RECQL5: variants seen among roughly 807,000 people sequenced by gnomAD.
RECQL5 encodes the protein RecQ like helicase 5.
RECQL5 carries 88 observed loss-of-function variants against 103.4 expected under a neutral mutation model. That is an observed-to-expected ratio of 0.85 (90% CI 0.72 to 1.02). The LOEUF (loss-of-function observed/expected upper bound fraction) is 1.02, where lower values mean the gene tolerates loss of function less well. Among genes scored for constraint, RECQL5 ranks in the 50% least tolerant of loss-of-function variants. The pLI, the probability that RECQL5 is intolerant of heterozygous loss-of-function variation, is 0.00. For synonymous variants in RECQL5, 552 were observed against 507.9 expected (o/e 1.09, Z -1.17); for missense variants, 1,232 against 1,284.3 (o/e 0.96, Z 0.62).
At chr17:75,655,676 A>C (rs900611909) in intron 7 of RECQL5, among the ~76,000 whole-genome samples, 2 of 140,378 alleles carry the variant, frequency 1.4e-5, no homozygotes, top group Admixed American at 7.2e-5. Flanking sequence ...TTTAATTTTT[A>C]TTTTTATTTT....
rs1555706009 is a variant in RECQL5, at chr17:75,630,841, T to TC, written c.1586-5_1586-4insG. On this transcript the variant is annotated splice_region_variant and splice_polypyrimidine_tract_variant and intron_variant, in intron 11 of 19. Coordinates refer to ENST00000317905, the MANE Select transcript of RECQL5 (RefSeq NM_004259.7). ...TCTTTCAGGGGACAGTTCTCATCTG[T>TC]GGGGGGGGGGGGTGGTCCTTGGTCC... The TC allele has an allele frequency of 7.0e-6, 8 of 1,135,114 alleles. No homozygotes were observed. Among genetic ancestry groups the TC allele is most frequent in the Middle Eastern group, 2.4e-4 (1 of 4,250 alleles). The allele number at this position is 1,135,114 out of a possible 1,614,324, so 70.3% of individuals were successfully genotyped here. A position where few individuals can be genotyped will look rare whatever the true frequency, so the allele number is the denominator to read the frequency against.
rs781452311 is a variant in RECQL5 at position 75,631,463 on chromosome 17, C to T, written c.1435G>A (p.Gly479Arg). The T allele has an allele frequency of 3.6e-5, 58 of 1,611,438 alleles. No individual in the cohort carries two copies. The highest frequency in any genetic ancestry group is 9.3e-5 in the African/African-American group (7 of 74,916). Residue 479 changes from glycine (G) to arginine (R), a missense_variant, in exon 9 of 20, where the codon GGG (glycine) becomes AGG (arginine). Physicochemically the swap from Gly to Arg is moderately radical, Grantham distance 125. Coordinates refer to ENST00000317905, the MANE Select transcript of RECQL5 (RefSeq NM_004259.7). ...ELYEGGRKGY[G>R]DFSRYDEGSG... is the part of the protein sequence containing the mutation. ...TCGGCCCCTTACCTGCTGAAGTCCC[C>T]GTAGCCCTTGCGGCCTCCCTCATAC...
chr17:75,652,646 G>C (rs2059569709), intron 7 of RECQL5: 1 of 152,440 alleles, frequency 6.6e-6, no homozygotes, highest in South Asian at 2.1e-4. Context: ...CTTTGGCTAT[G>C]GACTAATATC....
rs189266763 is a variant in RECQL5, at chr17:75,640,505, T to C, written c.1230-8837A>G. On this transcript the variant is annotated intron_variant, in intron 8 of 19. Coordinates refer to ENST00000317905, the MANE Select transcript of RECQL5 (RefSeq NM_004259.7). This position sits in a 1 kb window ranked among gnomAD's most constrained non-coding sequence, Gnocchi z 4.6. ...CTCATCCTCTGATATGCTGCTTGGGTGATGGGCGGTGCTGGGGACTGGGCC... is the reference window on the plus strand; with the variant it reads ...CTCATCCTCTGATATGCTGCTTGGGCGATGGGCGGTGCTGGGGACTGGGCC... Among the ~76,000 whole-genome samples, 44 of 152,050 alleles carry C rather than the reference T, an allele frequency of 2.9e-4. No individual in the cohort carries two copies. The East Asian group carries it at 8.2e-3, about 28-fold the overall frequency.
chr17:75,632,841 G>A (rs1323684447), intron 8 of RECQL5, among the ~76,000 whole-genome samples: 1 of 152,218 alleles, frequency 6.6e-6, no homozygotes. Flanking sequence ...ACACAGGCAG[G>A]GCTGTCTGGG....
At chr17:75,656,656 C>T (rs892332319) in intron 7 of RECQL5, among the ~76,000 whole-genome samples, 3 of 151,782 alleles carry the variant, frequency 2.0e-5, no homozygotes, top group Non-Finnish European at 4.4e-5. Context: ...TGTTTCTAGG[C>T]ACAATGTGTT....
chr17:75,634,426 G>A (rs1051415208), intron 8 of RECQL5, among the ~76,000 whole-genome samples: 2 of 152,220 alleles, frequency 1.3e-5, no homozygotes, highest in East Asian at 3.8e-4. Context: ...TGCTCAGAGC[G>A]CCTCCTGCTC....
At position 75,631,513 on chromosome 17, in the gene RECQL5, T is replaced by C. The variant is rs1175237184; in HGVS notation, c.1385A>G (p.Gln462Arg). Residue 462 changes from glutamine (Q) to arginine (R), a missense_variant, in exon 9 of 20, where the codon CAG becomes CGG. Physicochemically the swap from Gln to Arg is conservative, Grantham distance 43. Transcript: ENST00000317905. Reference sequence around the variant, plus strand: ...CAGCTCGGGGTCAAAGCCGTTCCCCTGGGAGGGCCCGATGCAGGTCTTGCT... The same window carrying C: ...CAGCTCGGGGTCAAAGCCGTTCCCCCGGGAGGGCCCGATGCAGGTCTTGCT... ...SWSKTCIGPS[Q>R]GNGFDPELYE... is the part of the protein sequence containing the mutation. The C allele has an allele frequency of 2.5e-6, 4 of 1,613,170 alleles. No homozygotes were observed. In the African/African-American group the frequency reaches 5.3e-5, roughly 22 times the overall value.
In RECQL5 at chr17:75,631,485, A is replaced by G. The variant is rs820197; in HGVS notation, c.1413T>C (p.Tyr471=). 1,610,188 of 1,613,274 alleles carry G rather than the reference A, an allele frequency of 1. 803,615 individuals carry two copies. The highest frequency in any genetic ancestry group is 1 in the East Asian group (44,878 of 44,878). The part of the protein sequence containing the change: ...SQGNGFDPEL[Y]EGGRKGYGDF... ...CCCCGTAGCCCTTGCGGCCTCCCTC[A>G]TACAGCTCGGGGTCAAAGCCGTTCC... Residue 471 remains tyrosine (Y), a synonymous_variant, in exon 9 of 20, where the codon TAT becomes TAC. Transcript: ENST00000317905.
chr17:75,629,655 G>C (rs2059169530), intron 15 of RECQL5, 53 bp downstream of exon 15: 1 of 1,558,942 alleles, frequency 6.4e-7, no homozygotes, highest in Non-Finnish European at 8.7e-7. Context: ...GGGCAGAGGG[G>C]AAGTGAAGCC....
At chr17:75,648,155 C>T (rs1402709486) in intron 8 of RECQL5, among the ~76,000 whole-genome samples, 1 of 152,080 alleles carries the variant, frequency 6.6e-6, no homozygotes, top group Non-Finnish European at 1.5e-5. Flanking sequence ...GTGTTCTCTC[C>T]CACCACAGGG....
chr17:75,632,089 A>G (rs1227178674), intron 8 of RECQL5, among the ~76,000 whole-genome samples: 3 of 152,248 alleles, frequency 2.0e-5, no homozygotes, highest in African/African-American at 7.2e-5. Context: ...GCCCTCACGG[A>G]CTGAGCGAAG....
At chr17:75,664,054 C>CAAAAAAAAAAA (rs34569441) in intron 3 of RECQL5, among the ~76,000 whole-genome samples, 2 of 105,690 alleles carry the variant, frequency 1.9e-5, no homozygotes, top group Non-Finnish European at 3.7e-5. Context: ...AACTCCATCT[C>CAAAAAAAAAAA]AAAAAAAAAA....
chr17:75,631,088 T>A (rs372155488), intron 10 of RECQL5, 62 bp downstream of exon 10: 13 of 1,611,056 alleles, frequency 8.1e-6, no homozygotes, highest in Admixed American at 1.7e-5. Flanking sequence ...GAGAAGGGGC[T>A]GAGAGGTGCG....
intron 8 of RECQL5, chr17:75,650,734 A>G: frequency 1.9e-6 from 3 of 1,611,110 alleles, no homozygotes; most frequent in Non-Finnish European, 2.5e-6. Flanking sequence ...GATGCAGGTA[A>G]AACAGATGCG....
intron 2 of RECQL5, among the ~76,000 whole-genome samples, chr17:75,665,456 C>T (rs1245337348): frequency 6.6e-6 from 1 of 152,104 alleles, no homozygotes; most frequent in Non-Finnish European, 1.5e-5. Context: ...CTTTGGGAGG[C>T]TAAGGCAGGC....
intron 8 of RECQL5, among the ~76,000 whole-genome samples, chr17:75,642,410 C>A (rs1326280884): frequency 6.6e-6 from 1 of 152,210 alleles, no homozygotes; most frequent in African/African-American, 2.4e-5. Flanking sequence ...CCCTGCCACA[C>A]CCCCGCCATT....
At chr17:75,657,651 T>TTTCA (rs1400816728) in intron 7 of RECQL5, among the ~76,000 whole-genome samples, 1 of 138,852 alleles carries the variant, frequency 7.2e-6, no homozygotes, top group Non-Finnish European at 1.5e-5. Context: ...CTACTCAAGG[T>TTTCA]GGGAAGATTA....
intron 8 of RECQL5, among the ~76,000 whole-genome samples, chr17:75,648,474 G>A (rs565778049): frequency 1.5e-3 from 223 of 151,986 alleles, no homozygotes; most frequent in Non-Finnish European, 2.6e-3. Flanking sequence ...CCCGGGTCAC[G>A]CCATTCTCCT....
Sources: gnomAD v4.1 joint callset for allele counts (sites outside exome capture counted in the v4.1 genomes callset) on GRCh38, gnomAD v4.1.1 for gene constraint, Gnocchi (gnomAD v3.1) non-coding constraint, MANE v1.5 for transcripts, NCBI Gene and HGNC (gene_info 2026-07-23, HGNC 2026-07-21) for gene names.